Variants in DNAH6 observed in about 807,000 individuals in gnomAD.
DNAH6 encodes dynein axonemal heavy chain 6.
In DNAH6, 340 loss-of-function variants were observed where a neutral mutation model predicts 491.4. The observed-to-expected ratio is 0.69, with a 90% CI of 0.63 to 0.76. DNAH6 has a LOEUF of 0.76. DNAH6 is among the 30% of genes least tolerant of loss of function. DNAH6 has a pLI of 0.00. For synonymous variants in DNAH6, 1,603 were observed against 1,686.1 expected (o/e 0.95, Z 1.21); for missense variants, 4,443 against 4,972.2 (o/e 0.89, Z 3.20).
At chr2:84,754,076 C>A (rs911381339) in intron 63 of DNAH6, among the ~76,000 whole-genome samples, 2 of 152,118 alleles carry the variant, frequency 1.3e-5, no homozygotes, top group African/African-American at 2.4e-5. Context: ...CCTGCCTTGG[C>A]CTCCCAAAGT....
At chr2:84,772,863 T>A (rs1431075410) in intron 64 of DNAH6, among the ~76,000 whole-genome samples, 1 of 151,998 alleles carries the variant, frequency 6.6e-6, no homozygotes, top group African/African-American at 2.4e-5. Context: ...CAAGTACACA[T>A]AGTACATTCT....
intron 29 of DNAH6, among the ~76,000 whole-genome samples, chr2:84,630,427 C>G (rs933621899): frequency 3.3e-5 from 5 of 152,104 alleles, no homozygotes; most frequent in African/African-American, 1.2e-4. Context: ...CTAATGGAGT[C>G]TCTAGATTTA....
chr2:84,678,572 C>T (rs1239456987), intron 41 of DNAH6, among the ~76,000 whole-genome samples: 1 of 151,990 alleles, frequency 6.6e-6, no homozygotes, highest in African/African-American at 2.4e-5. Flanking sequence ...CTTCATCATT[C>T]CAAAATGGAA....
rs1573589924 is a variant in DNAH6 at position 84,718,324 on chromosome 2, T to C, written c.9732T>C (p.Phe3244=). The C allele has an allele frequency of 3.9e-6, 6 of 1,551,330 alleles. No individual in the cohort carries two copies. In the African/African-American group the frequency reaches 5.5e-5, roughly 14 times the overall value. ...TIEEKILRML[F]TSEGNILDNE... ...AAGAGAAAATCCTGAGAATGCTCTT[T>C]ACCTCTGAAGGAAATATTCTGGACA... The change falls in exon 59 of 77, where the codon TTT becomes TTC. Residue 3244 remains phenylalanine, a synonymous_variant. Coordinates refer to ENST00000389394, the MANE Select transcript of DNAH6 (RefSeq NM_001370.2).
chr2:84,503,434 C>A, the DNAH6 span, among the ~76,000 whole-genome samples: 17 of 152,220 alleles, frequency 1.1e-4, no homozygotes, highest in South Asian at 3.3e-3. Flanking sequence ...GAGTCATTTA[C>A]ACACCACAGT....
chr2:84,653,944 C>T, intron 34 of DNAH6, 70 bp downstream of exon 34: 1 of 1,267,490 alleles, frequency 7.9e-7, no homozygotes, highest in Non-Finnish European at 1.1e-6. Flanking sequence ...ATTTTTTTCT[C>T]ACACTGATGT....
At chr2:84,490,175 A>G in the DNAH6 span, among the ~76,000 whole-genome samples, 1 of 152,152 alleles carries the variant, frequency 6.6e-6, no homozygotes, top group South Asian at 2.1e-4. Flanking sequence ...GAAATAGGAT[A>G]TGTCTTTAGT....
chr2:84,575,849 A>G (rs1314590407), intron 12 of DNAH6, among the ~76,000 whole-genome samples: 1 of 152,130 alleles, frequency 6.6e-6, no homozygotes, highest in Non-Finnish European at 1.5e-5. Flanking sequence ...GCGCCGCTGC[A>G]CTCCAGCCTG....
In DNAH6 at chr2:84,624,485, T is replaced by G. The variant is rs1398626964; in HGVS notation, c.4218T>G (p.Phe1406Leu). The change falls in exon 28 of 77, where the codon TTT (phenylalanine) becomes TTG (leucine). Residue 1406 changes from phenylalanine (F) to leucine (L), a missense_variant. Around this residue, in one of 3 missense-constraint regions of DNAH6, gnomAD observed 2,977 missense variants for 3,296.6 expected, o/e 0.90. Transcript: ENST00000389394. Reference sequence around the variant, plus strand: ...TATAGGTGGAGACAGTTGAATCTTTTGACTGGCAGAGACAACTGCGCTATT... The same window carrying G: ...TATAGGTGGAGACAGTTGAATCTTTGGACTGGCAGAGACAACTGCGCTATT... ...VQSKVETVES[F>L]DWQRQLRYYW... The G allele has an allele frequency of 3.9e-6, 6 of 1,551,790 alleles. No individual in the cohort carries two copies. The East Asian group carries it at 1.2e-4, about 32-fold the overall frequency.
chr2:84,691,555 TG>T (rs2104779792), intron 45 of DNAH6, among the ~76,000 whole-genome samples: 1 of 152,338 alleles, frequency 6.6e-6, no homozygotes, highest in South Asian at 2.1e-4. Context: ...CCAAAAGTTC[TG>T]GGGAAGAGGT....
chr2:84,703,869 T>G (rs2104838141), intron 50 of DNAH6, among the ~76,000 whole-genome samples, 198 bp from the exon 51 acceptor site: 1 of 152,308 alleles, frequency 6.6e-6, no homozygotes, highest in East Asian at 1.9e-4. Context: ...TGGAACTGTT[T>G]GTTATAATAA....
intron 50 of DNAH6, 149 bp from the exon 51 acceptor site, chr2:84,703,918 C>T: frequency 1.5e-6 from 1 of 650,392 alleles, no homozygotes; most frequent in Admixed American, 2.9e-5. Flanking sequence ...CATAGATGGA[C>T]AAAGGAGAGC....
intron 16 of DNAH6, among the ~76,000 whole-genome samples, chr2:84,591,582 A>G (rs1211928972): frequency 1.3e-5 from 2 of 152,178 alleles, no homozygotes; most frequent in South Asian, 2.1e-4. Flanking sequence ...TCCCAATGAC[A>G]TTTTCTAAAG....
intron 58 of DNAH6, among the ~76,000 whole-genome samples, chr2:84,716,248 T>C (rs750731704): frequency 3.3e-5 from 5 of 151,012 alleles, no homozygotes; most frequent in Admixed American, 1.3e-4. Context: ...GAGTTGTTAA[T>C]ATTAATCATC....
chr2:84,565,367 T>A (rs1385938726), intron 11 of DNAH6, among the ~76,000 whole-genome samples: 4 of 151,856 alleles, frequency 2.6e-5, no homozygotes, highest in Non-Finnish European at 5.9e-5. Flanking sequence ...TTTATTCAAT[T>A]TCAGAACTTG....
At chr2:84,708,230 G>T (rs1696661577) in intron 54 of DNAH6, among the ~76,000 whole-genome samples, 1 of 151,846 alleles carries the variant, frequency 6.6e-6, no homozygotes, top group African/African-American at 2.4e-5. Flanking sequence ...CTGAGGTCAG[G>T]AGTTCAAGAG....
chr2:84,722,527 T>A, intron 59 of DNAH6, 98 bp from the exon 60 acceptor site: 5 of 1,036,346 alleles, frequency 4.8e-6, no homozygotes, highest in Non-Finnish European at 6.9e-6. Flanking sequence ...ACTCATTCTA[T>A]CCTTATTTCT....
chr2:84,500,701 C>G, the DNAH6 span, among the ~76,000 whole-genome samples: 1 of 152,088 alleles, frequency 6.6e-6, no homozygotes, highest in Non-Finnish European at 1.5e-5. Context: ...TCCTCTTCAA[C>G]TTCTTTCATC....
chr2:84,719,769 C>A (rs577434632), intron 59 of DNAH6, among the ~76,000 whole-genome samples: 28 of 152,168 alleles, frequency 1.8e-4, no homozygotes, highest in African/African-American at 6.5e-4. Flanking sequence ...AGCAATCCTC[C>A]TGCCTTGGCC....
Sources: gnomAD v4.1 joint callset for allele counts (sites outside exome capture counted in the v4.1 genomes callset) on GRCh38, gnomAD v4.1.1 for gene constraint, gnomAD v4.1.1 regional missense constraint, MANE v1.5 for transcripts, NCBI Gene and HGNC (gene_info 2026-07-23, HGNC 2026-07-21) for gene names.